Variants in GRM8 observed in about 807,000 individuals in gnomAD.
GRM8 encodes the protein metabotropic glutamate receptor 8.
Under a neutral mutation model 87.2 loss-of-function variants are expected in GRM8, and 47 were observed. The observed-to-expected ratio is 0.54, with a 90% confidence interval of 0.43 to 0.69. The LOEUF is 0.69. GRM8 is among the 30% of genes least tolerant of loss of function. GRM8 has a pLI of 0.00. For synonymous variants in GRM8, 396 were observed against 404.5 expected (o/e 0.98, Z 0.25); for missense variants, 1,019 against 1,139.2 (o/e 0.89, Z 1.52).
intron 7 of GRM8, among the ~76,000 whole-genome samples, chr7:126,728,127 T>C (rs902827411): frequency 6.6e-5 from 10 of 152,106 alleles, no homozygotes; most frequent in Non-Finnish European, 8.8e-5. Context: ...GCATGAGTAA[T>C]CTATCTGCCA....
intron 3 of GRM8, among the ~76,000 whole-genome samples, chr7:127,000,787 A>G (rs1014506407): frequency 3.3e-5 from 5 of 151,664 alleles, no homozygotes; most frequent in Non-Finnish European, 5.9e-5. Context: ...AATATTGGTG[A>G]CACGACGATG....
chr7:126,920,509 G>A (rs187619298), intron 3 of GRM8, among the ~76,000 whole-genome samples: 6 of 152,226 alleles, frequency 3.9e-5, no homozygotes, highest in African/African-American at 1.4e-4. Context: ...AGTGGGGCTG[G>A]GGATGAGGCC....
intron 6 of GRM8, among the ~76,000 whole-genome samples, chr7:126,826,956 G>A (rs188982723): frequency 1.9e-4 from 29 of 152,136 alleles, no homozygotes; most frequent in African/African-American, 4.6e-4. Flanking sequence ...TCCCAGCACC[G>A]TTTATTAAAT....
intron 7 of GRM8, among the ~76,000 whole-genome samples, chr7:126,703,074 G>A (rs148708050): frequency 2.9e-4 from 44 of 152,264 alleles, no homozygotes; most frequent in African/African-American, 1.0e-3. Context: ...GTCAGTGAGA[G>A]ACAAGTTCAG....
Position 126,533,789 on chromosome 7 carries a change from C to A in GRM8, c.1593G>T (p.Gly531=). ...GTTCACAGTGCCAGCAGCAAGGGAC[C>A]CCTTTCACCGTTTTCTTCCTCTCCC... ...KPGERKKTVK[G]VPCCWHCERC... Residue 531 remains glycine, a synonymous_variant, in exon 9 of 11, where the codon GGG becomes GGT. Coordinates refer to ENST00000339582, the MANE Select transcript of GRM8 (RefSeq NM_000845.3). 1 of 1,614,004 alleles carries A rather than the reference C, an allele frequency of 6.2e-7. No individual in the cohort carries two copies. The highest frequency in any genetic ancestry group is 8.5e-7 in the Non-Finnish European group (1 of 1,179,920).
chr7:127,233,204 A>G (rs12334074), intron 2 of GRM8, among the ~76,000 whole-genome samples: 5,847 of 152,300 alleles, frequency 0.038, 129 homozygotes, highest in South Asian at 0.073. Flanking sequence ...ACAGTTAACA[A>G]GCATTAGGTC....
At chr7:126,847,875 C>T (rs1051190266) in intron 6 of GRM8, among the ~76,000 whole-genome samples, 1 of 152,126 alleles carries the variant, frequency 6.6e-6, no homozygotes, top group African/African-American at 2.4e-5. Context: ...GGTGGATCCA[C>T]TTTGGGAACT....
At chr7:126,556,989 C>T (rs1243035152) in intron 8 of GRM8, among the ~76,000 whole-genome samples, 2 of 152,026 alleles carry the variant, frequency 1.3e-5, no homozygotes. Context: ...AAGTAAAGGG[C>T]CAAGGAACAG....
At chr7:127,062,946 AT>A (rs1285945717) in intron 3 of GRM8, among the ~76,000 whole-genome samples, 1 of 151,862 alleles carries the variant, frequency 6.6e-6, no homozygotes, top group East Asian at 1.9e-4. Flanking sequence ...TATTTTATTA[AT>A]TTTTTTCCCA....
chr7:126,582,124 T>G (rs1373381745), intron 8 of GRM8, among the ~76,000 whole-genome samples: 1 of 152,180 alleles, frequency 6.6e-6, no homozygotes, highest in Non-Finnish European at 1.5e-5. Context: ...TTAGGCCTCT[T>G]CCACCAAATA....
chr7:126,558,565 C>T (rs1021738588), intron 8 of GRM8, among the ~76,000 whole-genome samples: 22 of 152,174 alleles, frequency 1.4e-4, no homozygotes, highest in Non-Finnish European at 3.1e-4. Flanking sequence ...AACCTACATG[C>T]ATCCTACTGT....
chr7:127,123,550 A>C (rs550848357), intron 2 of GRM8, among the ~76,000 whole-genome samples: 2 of 152,154 alleles, frequency 1.3e-5, no homozygotes, highest in Non-Finnish European at 2.9e-5. Flanking sequence ...TCAGGCCCTC[A>C]TCAGATGCAG....
intron 6 of GRM8, among the ~76,000 whole-genome samples, chr7:126,783,448 TCAAA>T (rs1820308584): frequency 6.6e-6 from 1 of 152,264 alleles, no homozygotes; most frequent in African/African-American, 2.4e-5. Context: ...GAAAACATTG[TCAAA>T]CAAACTAAAT....
Position 126,503,965 on chromosome 7 carries a change from CT to C in GRM8, c.2430+28986del, listed in dbSNP as rs546768656. On this transcript the variant is annotated intron_variant, in intron 9 of 10. Coordinates refer to ENST00000339582, the MANE Select transcript of GRM8 (RefSeq NM_000845.3). Reference sequence around the variant, plus strand: ...GGAAGGTCTCCTAATTCACCGCAGTCTTTGCATGAATTAAAACAAACAAAAA... The same window carrying C: ...GGAAGGTCTCCTAATTCACCGCAGTCTTGCATGAATTAAAACAAACAAAAA... Among the ~76,000 whole-genome samples the C allele has an allele frequency of 2.5e-3, 375 of 152,190 alleles. 3 individuals carry two copies. Among genetic ancestry groups the C allele is most frequent in the African/African-American group, 8.7e-3 (363 of 41,572 alleles).
At chr7:126,845,055 C>T (rs1335143507) in intron 6 of GRM8, among the ~76,000 whole-genome samples, 1 of 152,168 alleles carries the variant, frequency 6.6e-6, no homozygotes, top group East Asian at 1.9e-4. Flanking sequence ...TTACCTTGCC[C>T]CTCTTGCCCT....
At chr7:127,069,401 T>C (rs1821459150) in intron 3 of GRM8, among the ~76,000 whole-genome samples, 1 of 152,112 alleles carries the variant, frequency 6.6e-6, no homozygotes, top group African/African-American at 2.4e-5. Context: ...TGGCCTCAAG[T>C]AATCCACCTA....
chr7:127,021,580 A>G (rs1033731436), intron 3 of GRM8, among the ~76,000 whole-genome samples: 6 of 152,054 alleles, frequency 3.9e-5, no homozygotes, highest in African/African-American at 1.4e-4. Flanking sequence ...CAATGACTCA[A>G]AGTGGTAGAT....
At chr7:126,831,538 C>T (rs10271219) in intron 6 of GRM8, among the ~76,000 whole-genome samples, 3,056 of 152,320 alleles carry the variant, frequency 0.02, 111 homozygotes, top group African/African-American at 0.07. Context: ...TATGCCATTT[C>T]CTAAGCCCAT....
At chr7:126,764,366 A>G (rs1198707017) in intron 7 of GRM8, among the ~76,000 whole-genome samples, 1 of 151,978 alleles carries the variant, frequency 6.6e-6, no homozygotes, top group Non-Finnish European at 1.5e-5. Flanking sequence ...TTAGGCTAAT[A>G]TTTTTATCAT....
Sources: gnomAD v4.1 joint callset for allele counts (sites outside exome capture counted in the v4.1 genomes callset) on GRCh38, gnomAD v4.1.1 for gene constraint, MANE v1.5 for transcripts, NCBI Gene and HGNC (gene_info 2026-07-23, HGNC 2026-07-21) for gene names.